SFMBT1: variants seen among roughly 807,000 people sequenced by gnomAD.
SFMBT1 encodes the protein scm-like with four MBT domains protein 1.
SFMBT1 carries 32 observed loss-of-function variants against 108.7 expected under a neutral mutation model. That is an observed-to-expected ratio of 0.29 (90% CI 0.22 to 0.40). The LOEUF (loss-of-function observed/expected upper bound fraction) is 0.40, where lower values mean the gene tolerates loss of function less well. Ranked by LOEUF, SFMBT1 falls within the 10% of genes least tolerant of loss-of-function variation. The pLI is 1.00. For missense variants in SFMBT1, 816 were observed against 1,059.6 expected (o/e 0.77, Z 3.19); for synonymous variants, 348 against 369.5 (o/e 0.94, Z 0.67).
chr3:52,959,093 A>T (rs1703876915), intron 2 of SFMBT1, among the ~76,000 whole-genome samples: 1 of 150,438 alleles, frequency 6.6e-6, no homozygotes, highest in Admixed American at 6.7e-5. Flanking sequence ...ACATGGACAC[A>T]TCGGGGGGAA....
intron 1 of SFMBT1, among the ~76,000 whole-genome samples, chr3:53,044,280 T>A (rs1400692025): frequency 6.6e-6 from 1 of 152,196 alleles, no homozygotes; most frequent in Non-Finnish European, 1.5e-5. Flanking sequence ...CCACCGAATT[T>A]TCGAACTGAA....
intron 15 of SFMBT1, among the ~76,000 whole-genome samples, chr3:52,913,075 C>T (rs1702255002): frequency 6.6e-6 from 1 of 152,186 alleles, no homozygotes; most frequent in South Asian, 2.1e-4. Context: ...TGAAAGGTCT[C>T]TTATCTGTTA....
intron 4 of SFMBT1, among the ~76,000 whole-genome samples, chr3:52,940,049 CT>C (rs1180639204): frequency 1.3e-5 from 2 of 151,928 alleles, no homozygotes; most frequent in Non-Finnish European, 2.9e-5. Context: ...TGTTTCTACT[CT>C]TTTTTCACTG....
At chr3:53,023,683 T>C (rs562363567) in intron 1 of SFMBT1, among the ~76,000 whole-genome samples, 104 of 152,336 alleles carry the variant, frequency 6.8e-4, no homozygotes, top group Non-Finnish European at 1.4e-3. Flanking sequence ...TACAGGTTCC[T>C]GCTTGGTTGC....
At chr3:52,942,544 ACT>A (rs1703218001) in intron 4 of SFMBT1, among the ~76,000 whole-genome samples, 1 of 152,098 alleles carries the variant, frequency 6.6e-6, no homozygotes, top group Admixed American at 6.6e-5. Context: ...ACAGAATCTC[ACT>A]CTGTCACCCA....
intron 17 of SFMBT1, among the ~76,000 whole-genome samples, chr3:52,910,321 T>C (rs564670143): frequency 5.2e-4 from 79 of 152,258 alleles, no homozygotes; most frequent in African/African-American, 1.9e-3. Context: ...GCACAAAATA[T>C]ATACTTGCAG....
intron 4 of SFMBT1, among the ~76,000 whole-genome samples, chr3:52,939,867 C>A (rs1445575855): frequency 6.6e-6 from 1 of 151,842 alleles, no homozygotes; most frequent in Non-Finnish European, 1.5e-5. Flanking sequence ...CCAGTTCTTG[C>A]CTAAGTTTTA....
chr3:52,965,985 G>A (rs34182565), intron 2 of SFMBT1, among the ~76,000 whole-genome samples: 4,495 of 106,324 alleles, frequency 0.042, 127 homozygotes, highest in Non-Finnish European at 0.06. Context: ...CAGCCTGAGC[G>A]ACAGAGCAAG....
intron 1 of SFMBT1, among the ~76,000 whole-genome samples, chr3:53,004,054 G>T (rs1698652095): frequency 6.7e-6 from 1 of 149,700 alleles, no homozygotes; most frequent in African/African-American, 2.4e-5. Context: ...ATAGATATGA[G>T]GTTTTAACTC....
intron 17 of SFMBT1, among the ~76,000 whole-genome samples, 185 bp downstream of exon 17, chr3:52,910,818 C>G (rs1702196483): frequency 6.6e-6 from 1 of 152,194 alleles, no homozygotes; most frequent in Non-Finnish European, 1.5e-5. Flanking sequence ...GAAAACACAA[C>G]ACATAGAAAA....
intron 2 of SFMBT1, among the ~76,000 whole-genome samples, chr3:52,961,115 T>TA (rs1200130305): frequency 6.7e-6 from 1 of 148,168 alleles, no homozygotes; most frequent in Non-Finnish European, 1.5e-5. Context: ...CCTGGGCTGT[T>TA]AGAGACCCCA....
chr3:53,022,830 G>A lies in SFMBT1; in HGVS notation c.-131+22986C>T, dbSNP rs1486237294. 3.3e-5 allele frequency among the ~76,000 whole-genome samples: 5 copies of A among 152,162 alleles called. No individual in the cohort carries two copies. In the South Asian group the frequency reaches 1.0e-3, roughly 32 times the overall value. On this transcript the variant is annotated intron_variant, in intron 1 of 20. Transcript: ENST00000394752. Reference sequence around the variant, plus strand: ...TTTACAAGATGAAAAGAGTGATGGAGACGGACTGTGGTAATGGTTGCACAA... The same window carrying A: ...TTTACAAGATGAAAAGAGTGATGGAAACGGACTGTGGTAATGGTTGCACAA...
At chr3:53,022,572 C>T (rs1699352342) in intron 1 of SFMBT1, among the ~76,000 whole-genome samples, 2 of 151,506 alleles carry the variant, frequency 1.3e-5, no homozygotes, top group African/African-American at 4.8e-5. Context: ...GAATATTATT[C>T]AGTCTTTAAA....
At chr3:52,922,804 A>G (rs1400942654) in intron 10 of SFMBT1, among the ~76,000 whole-genome samples, 2 of 152,226 alleles carry the variant, frequency 1.3e-5, no homozygotes, top group Non-Finnish European at 1.5e-5. Context: ...CCTAGGTAAG[A>G]GGACACAAGG....
chr3:52,922,259 C>T (rs560541833), intron 10 of SFMBT1, among the ~76,000 whole-genome samples: 2 of 152,130 alleles, frequency 1.3e-5, no homozygotes, highest in Non-Finnish European at 2.9e-5. Flanking sequence ...CCTATCATAC[C>T]ACAAACTGCC....
chr3:52,986,827 C>A (rs1704937768), intron 1 of SFMBT1, among the ~76,000 whole-genome samples: 1 of 148,148 alleles, frequency 6.8e-6, no homozygotes, highest in Non-Finnish European at 1.5e-5. Context: ...GTAATACCAG[C>A]TACTCAGGAG....
intron 1 of SFMBT1, among the ~76,000 whole-genome samples, chr3:53,034,986 T>C (rs1226263404): frequency 3.9e-5 from 6 of 152,202 alleles, no homozygotes; most frequent in Admixed American, 3.9e-4. Flanking sequence ...CCAAAAAGTG[T>C]GACAGCGGTC....
intron 1 of SFMBT1, among the ~76,000 whole-genome samples, chr3:53,036,840 G>A (rs1240769638): frequency 1.3e-5 from 2 of 152,198 alleles, no homozygotes; most frequent in Non-Finnish European, 2.9e-5. Flanking sequence ...GCACTGGCTG[G>A]AAGGCTGCAG....
intron 3 of SFMBT1, among the ~76,000 whole-genome samples, chr3:52,951,560 G>C (rs945915018): frequency 3.6e-5 from 3 of 83,184 alleles, no homozygotes; most frequent in African/African-American, 9.9e-5. Flanking sequence ...GGGATTACAG[G>C]TGCTTGCTAC....
Sources: gnomAD v4.1 joint callset for allele counts (sites outside exome capture counted in the v4.1 genomes callset) on GRCh38, gnomAD v4.1.1 for gene constraint, MANE v1.5 for transcripts, NCBI Gene and HGNC (gene_info 2026-07-23, HGNC 2026-07-21) for gene names.